SDK1: variants seen among roughly 807,000 people sequenced by gnomAD.
The protein encoded by SDK1 is sidekick cell adhesion molecule 1.
SDK1 carries 157 observed loss-of-function variants against 245.5 expected under a neutral mutation model. That is an observed-to-expected ratio of 0.64 (90% CI 0.56 to 0.73). SDK1 has a LOEUF of 0.73. Among genes scored for constraint, SDK1 ranks in the 30% least tolerant of loss-of-function variants. The pLI is 0.00. For missense variants in SDK1, 3,583 were observed against 3,002.3 expected, an observed-to-expected ratio of 1.19 and a Z score of -4.52; for synonymous variants, 1,647 against 1,278.5, an observed-to-expected ratio of 1.29 and a Z score of -6.15.
chr7:3,919,786 A>G (rs1285647247), intron 5 of SDK1, among the ~76,000 whole-genome samples: 1 of 152,168 alleles, frequency 6.6e-6, no homozygotes, highest in Non-Finnish European at 1.5e-5. Context: ...AGGACCTGCT[A>G]CATGTCAGAG....
At chr7:3,580,289 C>G (rs557628284) in intron 1 of SDK1, among the ~76,000 whole-genome samples, 4 of 152,274 alleles carry the variant, frequency 2.6e-5, no homozygotes, top group South Asian at 2.1e-4. Flanking sequence ...CTGGAAATAA[C>G]TATTTTAAAA....
intron 20 of SDK1, 33 bp from the exon 21 acceptor site, chr7:4,076,965 G>C: frequency 1.3e-5 from 21 of 1,600,600 alleles, no homozygotes; most frequent in Non-Finnish European, 1.8e-5. Context: ...GCCTTCAGGA[G>C]ACCAACACTG....
chr7:3,383,097 C>G (rs992530504), intron 1 of SDK1, among the ~76,000 whole-genome samples: 2 of 152,128 alleles, frequency 1.3e-5, no homozygotes, highest in Non-Finnish European at 2.9e-5. Flanking sequence ...AAAAAAATCC[C>G]ATTCAAAATT....
intron 1 of SDK1, among the ~76,000 whole-genome samples, chr7:3,526,163 G>T (rs1783123247): frequency 1.3e-5 from 2 of 152,040 alleles, no homozygotes; most frequent in Non-Finnish European, 2.9e-5. Flanking sequence ...AACCCAGGAG[G>T]TGGAGGTTGC....
At chr7:4,190,479 C>T (rs1238572183) in intron 35 of SDK1, among the ~76,000 whole-genome samples, 2 of 152,228 alleles carry the variant, frequency 1.3e-5, no homozygotes, top group African/African-American at 4.8e-5. Context: ...AGGGGGCTCC[C>T]CGGGCGCTAT....
chr7:4,058,592 A>C (rs1194781271), intron 19 of SDK1, among the ~76,000 whole-genome samples: 1 of 152,188 alleles, frequency 6.6e-6, no homozygotes, highest in Non-Finnish European at 1.5e-5. Flanking sequence ...TTCCAAAAAC[A>C]CCAAAAGAAA....
chr7:4,094,374 T>G (rs1221339968), intron 22 of SDK1, among the ~76,000 whole-genome samples: 1 of 152,176 alleles, frequency 6.6e-6, no homozygotes, highest in Non-Finnish European at 1.5e-5. Flanking sequence ...GCCGGGGGTT[T>G]GAAAGCCAAA....
rs114534004 is a variant in SDK1 at position 4,066,614 on chromosome 7, G to C, written c.2912-1224G>C. Among the ~76,000 whole-genome samples the C allele has an allele frequency of 1.2e-3, 179 of 152,318 alleles. 1 individual carries two copies. Among genetic ancestry groups the C allele is most frequent in the African/African-American group, 4.2e-3 (173 of 41,574 alleles). On this transcript the variant is annotated intron_variant, in intron 19 of 44. Coordinates refer to ENST00000404826, the MANE Select transcript of SDK1 (RefSeq NM_152744.4). ...TCAGGACATCCACCTATCTCCTCCA[G>C]ATAGCCAGGCATCCTCTCCTCCCTC...
chr7:3,859,074 G>C lies in SDK1; in HGVS notation c.847+37491G>C, dbSNP rs899082636. ...AGACGGGGTTTCACTGTGTTAGCCA[G>C]GATGGTCTCGAACTCCTGACCTCGT... On this transcript the variant is annotated intron_variant, in intron 5 of 44. Transcript: ENST00000404826. Among the ~76,000 whole-genome samples, 7 of 152,040 alleles carry C rather than the reference G, an allele frequency of 4.6e-5. No individual in the cohort carries two copies. The East Asian group carries it at 1.4e-3, about 29-fold the overall frequency.
intron 20 of SDK1, among the ~76,000 whole-genome samples, chr7:4,068,814 C>T (rs1480480641): frequency 2.0e-5 from 3 of 151,796 alleles, no homozygotes; most frequent in Admixed American, 6.6e-5. Context: ...CTCCACCTCC[C>T]GGGTTCAAGC....
Position 3,816,130 on chromosome 7 carries a change from A to C in SDK1, c.714-5320A>C, listed in dbSNP as rs539122976. Among the ~76,000 whole-genome samples, 66 of 144,220 alleles carry C rather than the reference A, an allele frequency of 4.6e-4. No homozygotes were observed. In the East Asian group the frequency reaches 0.012, roughly 25 times the overall value. The allele number at this position is 144,220 out of a possible 152,430, so 94.6% of individuals were successfully genotyped here. Reference sequence around the variant, plus strand: ...GGGAAATTTATAGCACTAAATGCCCACAAGAGAAAGCAGGAAAGATCCAAA... The same window carrying C: ...GGGAAATTTATAGCACTAAATGCCCCCAAGAGAAAGCAGGAAAGATCCAAA... On this transcript the variant is annotated intron_variant, in intron 4 of 44. Transcript: ENST00000404826.
At chr7:3,637,102 T>C (rs998411019) in intron 2 of SDK1, among the ~76,000 whole-genome samples, 2 of 151,168 alleles carry the variant, frequency 1.3e-5, no homozygotes, top group South Asian at 2.1e-4. Context: ...TGTGTGTGTG[T>C]GTGTGTGTGT....
intron 4 of SDK1, among the ~76,000 whole-genome samples, chr7:3,772,395 C>T (rs1271556351): frequency 6.6e-6 from 1 of 151,996 alleles, no homozygotes; most frequent in Non-Finnish European, 1.5e-5. Flanking sequence ...ATCTTCATTC[C>T]CACTGTTTTC....
chr7:3,563,675 A>G (rs564765032), intron 1 of SDK1, among the ~76,000 whole-genome samples: 5 of 152,304 alleles, frequency 3.3e-5, no homozygotes, highest in African/African-American at 1.2e-4. Flanking sequence ...AGGTGGAGAA[A>G]ACTTGAAAAA....
At chr7:3,980,978 T>G (rs367903869) in intron 13 of SDK1, among the ~76,000 whole-genome samples, 2 of 152,168 alleles carry the variant, frequency 1.3e-5, no homozygotes, top group East Asian at 3.9e-4. Flanking sequence ...TAGTTTATAT[T>G]TCCAGAATAA....
intron 26 of SDK1, 142 bp from the exon 27 acceptor site, chr7:4,129,766 C>A: frequency 6.8e-7 from 1 of 1,471,248 alleles, no homozygotes; most frequent in Non-Finnish European, 9.0e-7. Flanking sequence ...CAAATTAGAT[C>A]CAGAAGCCCT....
At chr7:4,218,891 G>T (rs1053184558) in intron 38 of SDK1, among the ~76,000 whole-genome samples, 10 of 145,914 alleles carry the variant, frequency 6.9e-5, no homozygotes, top group African/African-American at 2.3e-4. Context: ...TTATCTAACT[G>T]TTTTTTTTTT....
intron 5 of SDK1, among the ~76,000 whole-genome samples, chr7:3,948,126 T>TGTGC (rs752603321): frequency 1.2e-4 from 19 of 152,214 alleles, no homozygotes; most frequent in Non-Finnish European, 2.6e-4. Context: ...GAAATGTTTT[T>TGTGC]GTGCAGTCTC....
chr7:4,209,210 G>A lies in SDK1; in HGVS notation c.5402-815G>A, dbSNP rs1784390617. On this transcript the variant is annotated intron_variant, in intron 37 of 44. Coordinates refer to ENST00000404826, the MANE Select transcript of SDK1 (RefSeq NM_152744.4). ...TGGGCAGATCTGTAGGCAGAGATGA[G>A]GGTAGAGCCATGTTGAGCACTGCCG... Among the ~76,000 whole-genome samples the A allele has an allele frequency of 3.3e-5, 5 of 152,236 alleles. No homozygotes were observed. In the South Asian group the frequency reaches 1.0e-3, roughly 32 times the overall value.
Sources: gnomAD v4.1 joint callset for allele counts (sites outside exome capture counted in the v4.1 genomes callset) on GRCh38, gnomAD v4.1.1 for gene constraint, MANE v1.5 for transcripts, NCBI Gene and HGNC (gene_info 2026-07-23, HGNC 2026-07-21) for gene names.